Variants in ZNG1A observed in about 807,000 individuals in gnomAD.
The protein encoded by ZNG1A is zinc-regulated GTPase metalloprotein activator 1A.
chr9:168,075 A>G, the ZNG1A span, among the ~76,000 whole-genome samples: 1 of 98,278 alleles, frequency 1.0e-5, no homozygotes, highest in Non-Finnish European at 2.0e-5. Context: ...TAGAGAAGAA[A>G]AGTTGGAAGG....
the ZNG1A span, among the ~76,000 whole-genome samples, chr9:139,639 G>C: frequency 6.6e-6 from 1 of 152,084 alleles, no homozygotes; most frequent in African/African-American, 2.4e-5. Flanking sequence ...CATTATTAAA[G>C]TGAACAGAGG....
the ZNG1A span, among the ~76,000 whole-genome samples, chr9:139,978 G>A: frequency 6.0e-5 from 9 of 150,726 alleles, 1 homozygote; most frequent in Admixed American, 2.6e-4. Flanking sequence ...GGCGCACCAC[G>A]AGATTATATC....
At chr9:146,453 C>G in the ZNG1A span, 35 of 264,714 alleles carry the variant, frequency 1.3e-4, 1 homozygote, top group South Asian at 2.3e-3. Context: ...TTCCAAGCAG[C>G]TTATTACTCA....
At chr9:171,731 G>A in the ZNG1A span, 57 of 283,882 alleles carry the variant, frequency 2.0e-4, no homozygotes, top group African/African-American at 1.0e-3. Flanking sequence ...CAGAGATTCC[G>A]GAACTAATAC....
At chr9:125,801 G>T in the ZNG1A span, among the ~76,000 whole-genome samples, 1 of 49,510 alleles carries the variant, frequency 2.0e-5, no homozygotes, top group Non-Finnish European at 3.9e-5. Flanking sequence ...TGTTGAAAAG[G>T]GTATCCTTTT....
the ZNG1A span, among the ~76,000 whole-genome samples, chr9:174,069 C>T: frequency 4.0e-5 from 6 of 151,346 alleles, no homozygotes; most frequent in South Asian, 2.1e-4. Flanking sequence ...ATGGCGTGAA[C>T]CCGGGAGGCG....
At chr9:163,249 A>G in the ZNG1A span, among the ~76,000 whole-genome samples, 1 of 151,904 alleles carries the variant, frequency 6.6e-6, no homozygotes, top group East Asian at 1.9e-4. Context: ...TCATTGCCCA[A>G]AAGTGTTCAG....
chr9:140,257 G>T, the ZNG1A span, among the ~76,000 whole-genome samples: 15 of 151,944 alleles, frequency 9.9e-5, no homozygotes, highest in Non-Finnish European at 1.9e-4. Context: ...AGACTTAAGT[G>T]TCCCTGTCTG....
At chr9:131,524 T>C in the ZNG1A span, among the ~76,000 whole-genome samples, 1 of 147,880 alleles carries the variant, frequency 6.8e-6, no homozygotes, top group Non-Finnish European at 1.5e-5. Context: ...TTTGCCTGTA[T>C]AATATCTATA....
At chr9:147,093 A>G in the ZNG1A span, 1 of 149,402 alleles carries the variant, frequency 6.7e-6, no homozygotes, top group African/African-American at 2.5e-5. Flanking sequence ...CAGGAGAATC[A>G]TTTGAACCCA....
the ZNG1A span, chr9:175,567 A>T: frequency 5.2e-6 from 4 of 776,104 alleles, no homozygotes; most frequent in Non-Finnish European, 8.2e-6. Context: ...AAATTAATCC[A>T]ACTTTTCTAA....
the ZNG1A span, among the ~76,000 whole-genome samples, chr9:126,706 C>T: frequency 2.6e-5 from 4 of 151,666 alleles, no homozygotes; most frequent in Non-Finnish European, 5.9e-5. Context: ...GTTTCAATTT[C>T]ATTTAATTCC....
At chr9:159,979 A>G in the ZNG1A span, 1 of 409,498 alleles carries the variant, frequency 2.4e-6, no homozygotes, top group Non-Finnish European at 4.8e-6. Flanking sequence ...CAGACGAACC[A>G]AGAAGAAACC....
At chr9:159,518 G>A in the ZNG1A span, among the ~76,000 whole-genome samples, 7 of 152,134 alleles carry the variant, frequency 4.6e-5, no homozygotes, top group Non-Finnish European at 1.0e-4. Context: ...TTCACACATT[G>A]TATACCTTAA....
At chr9:152,643 C>T in the ZNG1A span, among the ~76,000 whole-genome samples, 1 of 151,948 alleles carries the variant, frequency 6.6e-6, no homozygotes, top group Non-Finnish European at 1.5e-5. Flanking sequence ...GCCTGTTCTC[C>T]CTCTTTTGAT....
the ZNG1A span, among the ~76,000 whole-genome samples, chr9:126,491 A>G: frequency 2.0e-5 from 3 of 151,880 alleles, no homozygotes; most frequent in Non-Finnish European, 4.4e-5. Flanking sequence ...TAGTTTATGC[A>G]TGTAAAGGTG....
chr9:177,970 T>C, the ZNG1A span: 4 of 637,134 alleles, frequency 6.3e-6, no homozygotes, highest in Admixed American at 6.0e-5. Context: ...CCCAAGTCTG[T>C]ACCTGTCTCT....
the ZNG1A span, among the ~76,000 whole-genome samples, chr9:174,762 T>C: frequency 6.6e-6 from 1 of 151,276 alleles, no homozygotes; most frequent in African/African-American, 2.5e-5. Context: ...ATATTGTTTT[T>C]TGGCTAGAAG....
the ZNG1A span, among the ~76,000 whole-genome samples, chr9:169,793 T>C: frequency 2.0e-5 from 3 of 149,986 alleles, no homozygotes; most frequent in Non-Finnish European, 4.5e-5. Context: ...AATTAAGGTA[T>C]GTATGTTTTT....
Sources: allele counts gnomAD v4.1 joint callset (sites outside exome capture counted in the v4.1 genomes callset), GRCh38; gene constraint gnomAD v4.1.1; transcripts MANE v1.5; gene names NCBI Gene and HGNC (gene_info 2026-07-23, HGNC 2026-07-21).